The following UBE3C variants were observed in gnomAD, a reference collection of about 807,000 sequenced individuals.
UBE3C encodes ubiquitin protein ligase E3C, also known as ubiquitin-protein ligase E3C.
A neutral mutation model predicts 129.4 loss-of-function variants in UBE3C; 42 were observed. The ratio of observed to expected loss-of-function variants is 0.32; its 90% CI spans 0.25 to 0.42. UBE3C has a LOEUF of 0.42. Ranked by LOEUF, UBE3C falls within the 10% of genes least tolerant of loss-of-function variation. The pLI is 1.00. For synonymous variants in UBE3C, 510 were observed against 492.4 expected (o/e 1.04, Z -0.47); for missense variants, 1,049 against 1,319.1 (o/e 0.80, Z 3.17).
intron 15 of UBE3C, 67 bp downstream of exon 15, chr7:157,220,843 C>G: frequency 6.6e-7 from 1 of 1,525,940 alleles, no homozygotes; most frequent in South Asian, 1.2e-5. Flanking sequence ...CTCCTTTAAT[C>G]TACAGATCTG....
intron 1 of UBE3C, among the ~76,000 whole-genome samples, chr7:157,141,988 C>A (rs549172653): frequency 9.2e-5 from 14 of 152,244 alleles, no homozygotes; most frequent in Non-Finnish European, 1.2e-4. Context: ...ACCGCTGCCA[C>A]AGTTTCCCCG....
chr7:157,170,550 C>T (rs1266451830), intron 4 of UBE3C, 100 bp downstream of exon 4: 200 of 1,272,000 alleles, frequency 1.6e-4, no homozygotes, highest in Non-Finnish European at 1.8e-4. Flanking sequence ...AACAGCTCTC[C>T]ACTGCATCCA....
chr7:157,207,624 G>A (rs1809470265), intron 12 of UBE3C, 69 bp downstream of exon 12: 1 of 1,586,536 alleles, frequency 6.3e-7, no homozygotes, highest in East Asian at 2.2e-5. Flanking sequence ...CAGTAGAAAA[G>A]TTTTAAGCTT....
Position 157,254,294 on chromosome 7 carries a change from C to G in UBE3C, c.2934C>G (p.Ser978=). 6.2e-7 allele frequency: 1 copy of G among 1,612,220 alleles called. No homozygotes were observed. Among genetic ancestry groups the G allele is most frequent in the East Asian group, 2.2e-5 (1 of 44,860 alleles). Residue 978 remains serine, a synonymous_variant, in exon 21 of 23, where the codon TCC becomes TCG. Coordinates refer to ENST00000348165, the MANE Select transcript of UBE3C (RefSeq NM_014671.3). ...CCATAAGCCTAGAGGACCTAAAATC[C>G]TTTACAAACTATTCAGGTATGTTAT... ...QVPISLEDLK[S]FTNYSGGYSA...
chr7:157,182,549 G>A (rs192148848), intron 8 of UBE3C, among the ~76,000 whole-genome samples: 1 of 152,276 alleles, frequency 6.6e-6, no homozygotes, highest in East Asian at 1.9e-4. Flanking sequence ...AGGCCACACA[G>A]ATTATTTTAA....
At chr7:157,197,724 G>A in intron 10 of UBE3C, 1 of 1,610,508 alleles carries the variant, frequency 6.2e-7, no homozygotes, top group Non-Finnish European at 8.5e-7. Context: ...TGCAAATTCA[G>A]GACAAGACTG....
chr7:157,187,839 G>C (rs1284340490), intron 10 of UBE3C, among the ~76,000 whole-genome samples: 2 of 152,060 alleles, frequency 1.3e-5, no homozygotes, highest in Non-Finnish European at 2.9e-5. Flanking sequence ...GCCTCCCAAA[G>C]TGCTGGGATT....
chr7:157,255,971 A>G lies in UBE3C; in HGVS notation c.2951-943A>G, dbSNP rs369631343. ...CCAGCTGTGTTAGTACTAGACACCC[A>G]TTGTCTGTCATGTTAGATCTGTGGC... is the stretch of plus-strand genomic sequence containing the variant. On this transcript the variant is annotated intron_variant, in intron 21 of 22. Transcript: ENST00000348165. Among the ~76,000 whole-genome samples the G allele has an allele frequency of 2.4e-4, 37 of 152,222 alleles. No individual in the cohort carries two copies. The East Asian group carries it at 6.4e-3, about 26-fold the overall frequency.
chr7:157,217,097 A>G, intron 14 of UBE3C, 126 bp downstream of exon 14: 2 of 700,082 alleles, frequency 2.9e-6, no homozygotes, highest in African/African-American at 1.8e-5. Context: ...AATAGTAATG[A>G]TAAACCTTAT....
intron 18 of UBE3C, 122 bp from the exon 19 acceptor site, chr7:157,248,246 A>T (rs777821077): frequency 1.7e-5 from 15 of 871,794 alleles, no homozygotes; most frequent in Non-Finnish European, 2.5e-5. Flanking sequence ...CATCTTCGGT[A>T]CTATGAGGAG....
intron 11 of UBE3C, among the ~76,000 whole-genome samples, chr7:157,204,654 C>A (rs914380203): frequency 6.6e-6 from 1 of 152,162 alleles, no homozygotes; most frequent in Non-Finnish European, 1.5e-5. Flanking sequence ...TCAGTACTTG[C>A]TATTGAAATC....
chr7:157,218,465 A>C (rs1795642125), intron 14 of UBE3C, among the ~76,000 whole-genome samples: 1 of 152,202 alleles, frequency 6.6e-6, no homozygotes, highest in South Asian at 2.1e-4. Flanking sequence ...TAAAAAAAAA[A>C]AACCATGTCA....
chr7:157,259,840 T>C (rs984681937), intron 22 of UBE3C, among the ~76,000 whole-genome samples: 2 of 152,134 alleles, frequency 1.3e-5, no homozygotes, highest in African/African-American at 4.8e-5. Flanking sequence ...GATAATCTTA[T>C]AGTAAGTCAA....
At chr7:157,176,183 G>A (rs1343937463) in intron 5 of UBE3C, among the ~76,000 whole-genome samples, 4 of 152,158 alleles carry the variant, frequency 2.6e-5, no homozygotes, top group African/African-American at 9.7e-5. Context: ...AACACCTGAA[G>A]CCCAGGAGTT....
intron 1 of UBE3C, among the ~76,000 whole-genome samples, chr7:157,159,955 G>A (rs1016818580): frequency 3.9e-5 from 6 of 152,238 alleles, no homozygotes; most frequent in South Asian, 2.1e-4. Context: ...GCAGCGTAGC[G>A]TCTCGTATTC....
chr7:157,252,053 T>G (rs1305374355), intron 19 of UBE3C, among the ~76,000 whole-genome samples: 2 of 152,116 alleles, frequency 1.3e-5, no homozygotes, highest in African/African-American at 4.8e-5. Context: ...CAAGAATCTC[T>G]TGAACCCAGA....
chr7:157,235,841 T>C (rs940477409), intron 18 of UBE3C, among the ~76,000 whole-genome samples: 2 of 152,250 alleles, frequency 1.3e-5, no homozygotes, highest in African/African-American at 4.8e-5. Flanking sequence ...GACCATCTGA[T>C]TACAGAGTTA....
intron 1 of UBE3C, among the ~76,000 whole-genome samples, chr7:157,158,107 G>C (rs1468605513): frequency 7.2e-6 from 1 of 137,934 alleles, no homozygotes; most frequent in Non-Finnish European, 1.5e-5. Context: ...GGCCCAGGCT[G>C]GTCTCAAACT....
intron 19 of UBE3C, among the ~76,000 whole-genome samples, chr7:157,251,112 G>C (rs1050341952): frequency 3.3e-5 from 5 of 152,172 alleles, no homozygotes; most frequent in African/African-American, 1.2e-4. Context: ...AAATTCACTA[G>C]TGAAGCACCT....
Sources: allele counts gnomAD v4.1 joint callset (sites outside exome capture counted in the v4.1 genomes callset), GRCh38; gene constraint gnomAD v4.1.1; transcripts MANE v1.5; gene names NCBI Gene and HGNC (gene_info 2026-07-23, HGNC 2026-07-21).